FAM204A: variants seen among roughly 807,000 people sequenced by gnomAD.
The protein encoded by FAM204A is family with sequence similarity 204 member A.
Under a neutral mutation model 35.4 loss-of-function variants are expected in FAM204A, and 16 were observed. The observed-to-expected ratio is 0.45, with a 90% CI of 0.31 to 0.69. The LOEUF is 0.69. Among genes scored for constraint, FAM204A ranks in the 30% least tolerant of loss-of-function variants. FAM204A has a pLI of 0.07. For synonymous variants in FAM204A, 76 were observed against 86.9 expected (o/e 0.88, Z 0.70); for missense variants, 240 against 265.7 (o/e 0.90, Z 0.67).
At position 118,298,665 on chromosome 10, in the gene FAM204A, A is replaced by G. The variant is rs1002363107; in HGVS notation, c.*12192T>C. ...TCGTAGCAGAGGACAGACATTTTACAATGTACAGAGATTATTGTTACGTCC... is the reference window on the plus strand; with the variant it reads ...TCGTAGCAGAGGACAGACATTTTACGATGTACAGAGATTATTGTTACGTCC... On this transcript the variant is annotated 3_prime_UTR_variant, in exon 9 of 9. Transcript: ENST00000369183. 2 of 152,188 alleles carry G rather than the reference A, an allele frequency of 1.3e-5. No individual in the cohort carries two copies. Among genetic ancestry groups the G allele is most frequent in the Admixed American group, 6.5e-5 (1 of 15,292 alleles). The allele number at this position is 152,188 out of a possible 1,614,324, so 9.4% of individuals were successfully genotyped here. A position where few individuals can be genotyped will look rare whatever the true frequency, so the allele number is the denominator to read the frequency against.
chr10:118,334,944 T>C (rs1300735032), intron 6 of FAM204A, among the ~76,000 whole-genome samples, 170 bp downstream of exon 6: 2 of 152,204 alleles, frequency 1.3e-5, no homozygotes, highest in Non-Finnish European at 2.9e-5. Flanking sequence ...TTCTTTCTCT[T>C]AACAGTTTTT....
Position 118,304,544 on chromosome 10 carries a change from C to A in FAM204A, c.*6313G>T, listed in dbSNP as rs1262337933. ...TTCTGCTGCTCTACTTCCCTGTTCTCATTCTCTCCCCTGGCCCCTGCTAAA... is the reference window on the plus strand; with the variant it reads ...TTCTGCTGCTCTACTTCCCTGTTCTAATTCTCTCCCCTGGCCCCTGCTAAA... On this transcript the variant is annotated 3_prime_UTR_variant, in exon 9 of 9. Coordinates refer to ENST00000369183, the MANE Select transcript of FAM204A (RefSeq NM_022063.3). 6.6e-6 allele frequency: 1 copy of A among 152,560 alleles called. No individual in the cohort carries two copies. The highest frequency in any genetic ancestry group is 1.5e-5 in the Non-Finnish European group (1 of 68,274). The allele number at this position is 152,560 out of a possible 1,614,324, so 9.5% of individuals were successfully genotyped here. A position where few individuals can be genotyped will look rare whatever the true frequency, so the allele number is the denominator to read the frequency against.
chr10:118,335,398 A>G lies in FAM204A; in HGVS notation c.351T>C (p.His117=). 1 of 1,592,570 alleles carries G rather than the reference A, an allele frequency of 6.3e-7. No homozygotes were observed. The highest frequency in any genetic ancestry group is 8.6e-7 in the Non-Finnish European group (1 of 1,168,930). ...TAACTATTTTAAATTCTACCTACCT[A>G]TGTAATTCTTTTTCATTCTTCAATT... is the stretch of plus-strand genomic sequence containing the variant. ...KDKLKNEKEL[H]SEPSSNETQW... Residue 117 remains histidine (H), a splice_region_variant and synonymous_variant, in exon 5 of 9, where the codon CAT becomes CAC. Transcript: ENST00000369183.
intron 2 of FAM204A, 121 bp from the exon 3 acceptor site, chr10:118,336,544 CT>C (rs918595199): frequency 0.038 from 24,394 of 634,548 alleles, 9 homozygotes; most frequent in East Asian, 0.057. Context: ...TCCATCTAAA[CT>C]TTTTTTTTTT....
rs990012265 is a variant in FAM204A at position 118,307,284 on chromosome 10, A to G, written c.*3573T>C. The G allele has an allele frequency of 4.6e-5, 7 of 152,234 alleles. No homozygotes were observed. Among genetic ancestry groups the G allele is most frequent in the African/African-American group, 1.7e-4 (7 of 41,456 alleles). 9.4% of individuals were successfully genotyped at this position (152,234 alleles called of 1,614,324 possible). A position where few individuals can be genotyped will look rare whatever the true frequency, so the allele number is the denominator to read the frequency against. On this transcript the variant is annotated 3_prime_UTR_variant, in exon 9 of 9. Coordinates refer to ENST00000369183, the MANE Select transcript of FAM204A (RefSeq NM_022063.3). ...GTTCTGGAAAAAGATTTTCATGTAC[A>G]TATTTTGTCCAAATATTACTATTTG...
intron 7 of FAM204A, among the ~76,000 whole-genome samples, chr10:118,316,129 T>A (rs972187912): frequency 6.6e-6 from 1 of 152,226 alleles, no homozygotes; most frequent in South Asian, 2.1e-4. Flanking sequence ...TGAAATAACA[T>A]ACAAAGTTCA....
intron 6 of FAM204A, among the ~76,000 whole-genome samples, chr10:118,330,294 C>T (rs1397816697): frequency 6.6e-6 from 1 of 152,162 alleles, no homozygotes; most frequent in East Asian, 1.9e-4. Flanking sequence ...AGAACTTATC[C>T]AATCTCACGC....
In FAM204A at chr10:118,314,582, T is replaced by C. The variant is rs534124536; in HGVS notation, c.544-3269A>G. On this transcript the variant is annotated intron_variant, in intron 7 of 8. Coordinates refer to ENST00000369183, the MANE Select transcript of FAM204A (RefSeq NM_022063.3). ...GCTGTGCTGCAGTATTACAAACAAA[T>C]AAAATAGGCCGAAAAGAATCCCCCT... 3.3e-5 allele frequency among the ~76,000 whole-genome samples: 5 copies of C among 152,106 alleles called. No individual in the cohort carries two copies. The South Asian group carries it at 1.0e-3, about 32-fold the overall frequency.
intron 2 of FAM204A, among the ~76,000 whole-genome samples, chr10:118,338,913 G>C (rs1388987641): frequency 6.6e-6 from 1 of 152,048 alleles, no homozygotes; most frequent in African/African-American, 2.4e-5. Context: ...CATTTTTTAT[G>C]GCTTTTTAAA....
intron 2 of FAM204A, among the ~76,000 whole-genome samples, chr10:118,336,984 T>C (rs1293476894): frequency 2.0e-5 from 3 of 152,188 alleles, no homozygotes; most frequent in Non-Finnish European, 4.4e-5. Context: ...GATATCCTAC[T>C]TTTTAGTTTA....
chr10:118,332,043 G>A (rs902350009), intron 6 of FAM204A, among the ~76,000 whole-genome samples: 6 of 150,780 alleles, frequency 4.0e-5, no homozygotes, highest in East Asian at 2.0e-4. Context: ...GCATGATGGC[G>A]CACACCTCTA....
intron 7 of FAM204A, among the ~76,000 whole-genome samples, chr10:118,319,680 T>C (rs1220290353): frequency 6.6e-6 from 1 of 151,974 alleles, no homozygotes; most frequent in African/African-American, 2.4e-5. Context: ...AAAAATTTTA[T>C]CGTATCATGA....
intron 8 of FAM204A, 82 bp from the exon 9 acceptor site, chr10:118,310,990 G>A: frequency 7.2e-7 from 1 of 1,392,770 alleles, no homozygotes; most frequent in Non-Finnish European, 9.8e-7. Flanking sequence ...AGAGACCAAA[G>A]CAAAACAAAC....
intron 3 of FAM204A, 172 bp downstream of exon 3, chr10:118,336,006 AAAAT>A: frequency 1.4e-6 from 1 of 696,332 alleles, no homozygotes; most frequent in East Asian, 2.9e-5. Flanking sequence ...AAAACAAAAC[AAAAT>A]AAACGCAAGT....
chr10:118,330,977 T>G (rs1309824165), intron 6 of FAM204A, among the ~76,000 whole-genome samples: 2 of 152,146 alleles, frequency 1.3e-5, no homozygotes, highest in Non-Finnish European at 2.9e-5. Context: ...ATATATAGAA[T>G]ACCTAGCCAC....
chr10:118,336,047 C>A, intron 3 of FAM204A, 135 bp downstream of exon 3: 3 of 1,003,044 alleles, frequency 3.0e-6, no homozygotes, highest in Middle Eastern at 3.4e-4. Context: ...CCTCAGAGAA[C>A]AGTAAAAGCA....
chr10:118,338,724 C>T (rs1846426049), intron 2 of FAM204A, among the ~76,000 whole-genome samples: 1 of 152,164 alleles, frequency 6.6e-6, no homozygotes, highest in African/African-American at 2.4e-5. Flanking sequence ...AACGTGTATG[C>T]CTCTCCAATG....
rs1845911078 is a variant in FAM204A, at chr10:118,309,272, A to G, written c.*1585T>C. Reference sequence around the variant, plus strand: ...CTTTTCTCAACTAAATGAAAGCAAGATATGATTTTTGGATGCTTAAATAGT... The same window carrying G: ...CTTTTCTCAACTAAATGAAAGCAAGGTATGATTTTTGGATGCTTAAATAGT... On this transcript the variant is annotated 3_prime_UTR_variant, in exon 9 of 9. Transcript: ENST00000369183. The G allele has an allele frequency of 6.6e-6, 1 of 152,198 alleles. No homozygotes were observed. The highest frequency in any genetic ancestry group is 1.5e-5 in the Non-Finnish European group (1 of 68,040). 9.4% of individuals were successfully genotyped at this position (152,198 alleles called of 1,614,324 possible).
chr10:118,321,724 CAAAAA>C (rs200200755), intron 7 of FAM204A, among the ~76,000 whole-genome samples: 7 of 87,260 alleles, frequency 8.0e-5, no homozygotes, highest in South Asian at 5.1e-4. Context: ...TATGACAAAG[CAAAAA>C]AAAAAAAAAA....
Sources: allele counts gnomAD v4.1 joint callset (sites outside exome capture counted in the v4.1 genomes callset), GRCh38; gene constraint gnomAD v4.1.1; transcripts MANE v1.5; gene names NCBI Gene and HGNC (gene_info 2026-07-23, HGNC 2026-07-21).